Variants in CIMIP5 observed in about 807,000 individuals in gnomAD.
The protein encoded by CIMIP5 is ciliary microtubule inner protein 5.
the CIMIP5 span, among the ~76,000 whole-genome samples, chr2:11,136,657 G>A: frequency 6.6e-6 from 1 of 152,050 alleles, no homozygotes; most frequent in Admixed American, 6.5e-5. Flanking sequence ...TTTTGGGGGT[G>A]ATGAAATGTT....
the CIMIP5 span, among the ~76,000 whole-genome samples, chr2:11,149,715 T>G: frequency 2.0e-5 from 3 of 150,612 alleles, no homozygotes; most frequent in African/African-American, 7.4e-5. Flanking sequence ...TCAAAAAAAA[T>G]TAATTAATTA....
At chr2:11,145,448 T>C in the CIMIP5 span, 1 of 152,162 alleles carries the variant, frequency 6.6e-6, no homozygotes, top group African/African-American at 2.4e-5. Context: ...AGGACCCTTG[T>C]GATTATATCA....
the CIMIP5 span, among the ~76,000 whole-genome samples, chr2:11,152,432 G>A: frequency 6.6e-6 from 1 of 152,222 alleles, no homozygotes; most frequent in Non-Finnish European, 1.5e-5. Context: ...TTAAAGTTTA[G>A]AAGCAAGATG....
At chr2:11,135,070 T>C in the CIMIP5 span, among the ~76,000 whole-genome samples, 5 of 152,034 alleles carry the variant, frequency 3.3e-5, no homozygotes, top group Admixed American at 6.5e-5. Flanking sequence ...AGCTCTCTCC[T>C]GTGAACTAAT....
the CIMIP5 span, chr2:11,144,138 C>G: frequency 6.5e-7 from 1 of 1,534,532 alleles, no homozygotes; most frequent in Non-Finnish European, 8.8e-7. Flanking sequence ...GCTGGCCTTC[C>G]CCAGGTGGGT....
the CIMIP5 span, among the ~76,000 whole-genome samples, chr2:11,141,182 G>A: frequency 1.5e-5 from 2 of 133,494 alleles, no homozygotes; most frequent in Non-Finnish European, 3.1e-5. Flanking sequence ...AGGCTGGAGT[G>A]CAGTGGTGCA....
the CIMIP5 span, among the ~76,000 whole-genome samples, chr2:11,135,387 A>T: frequency 2.0e-5 from 3 of 152,156 alleles, no homozygotes; most frequent in African/African-American, 4.8e-5. Context: ...GTTTTTTGAT[A>T]ACAGCCATCC....
the CIMIP5 span, among the ~76,000 whole-genome samples, chr2:11,136,681 G>A: frequency 6.6e-6 from 1 of 152,130 alleles, no homozygotes; most frequent in South Asian, 2.1e-4. Flanking sequence ...GAATCAGAAA[G>A]TGGTGATGGT....
chr2:11,137,216 C>T, the CIMIP5 span, among the ~76,000 whole-genome samples: 9 of 151,828 alleles, frequency 5.9e-5, no homozygotes, highest in Non-Finnish European at 1.2e-4. Flanking sequence ...CTACTAAAAA[C>T]ACAAAAATTA....
At chr2:11,139,119 T>C in the CIMIP5 span, among the ~76,000 whole-genome samples, 2 of 152,114 alleles carry the variant, frequency 1.3e-5, no homozygotes, top group Admixed American at 6.5e-5. Context: ...GGTTTCACCA[T>C]GTTGGCCAGG....
the CIMIP5 span, among the ~76,000 whole-genome samples, chr2:11,140,000 T>C: frequency 6.6e-6 from 1 of 150,660 alleles, no homozygotes; most frequent in Non-Finnish European, 1.5e-5. Flanking sequence ...GACAGGGGAA[T>C]TGCTTGAACC....
the CIMIP5 span, among the ~76,000 whole-genome samples, chr2:11,134,035 C>A: frequency 6.6e-6 from 1 of 151,992 alleles, no homozygotes; most frequent in African/African-American, 2.4e-5. Flanking sequence ...CTCCACCGAG[C>A]CTTCATACTC....
the CIMIP5 span, among the ~76,000 whole-genome samples, chr2:11,142,031 C>T: frequency 1.4e-4 from 21 of 151,768 alleles, no homozygotes; most frequent in Non-Finnish European, 2.8e-4. Context: ...TTTGGGAGGC[C>T]GAGGCAGGTG....
At chr2:11,150,839 A>G in the CIMIP5 span, among the ~76,000 whole-genome samples, 1 of 151,772 alleles carries the variant, frequency 6.6e-6, no homozygotes, top group Admixed American at 6.6e-5. Flanking sequence ...GTGGGCCTCA[A>G]GATCTTTACC....
At chr2:11,135,651 T>C in the CIMIP5 span, among the ~76,000 whole-genome samples, 2 of 102,586 alleles carry the variant, frequency 1.9e-5, no homozygotes, top group African/African-American at 4.0e-5. Flanking sequence ...GGCTGGTTTT[T>C]TTTGGGGTTT....
chr2:11,133,575 C>T, the CIMIP5 span: 12 of 1,602,334 alleles, frequency 7.5e-6, no homozygotes, highest in South Asian at 2.2e-5. Context: ...GGCCGAGCGG[C>T]GGGGCCAGCA....
At chr2:11,133,763 G>A in the CIMIP5 span, among the ~76,000 whole-genome samples, 1 of 152,194 alleles carries the variant, frequency 6.6e-6, no homozygotes, top group Non-Finnish European at 1.5e-5. Flanking sequence ...ACCCGAGCCT[G>A]AGCCTAAGAA....
the CIMIP5 span, among the ~76,000 whole-genome samples, chr2:11,136,616 G>A: frequency 6.6e-6 from 1 of 152,192 alleles, no homozygotes; most frequent in East Asian, 1.9e-4. Flanking sequence ...TGTTTTGGAG[G>A]ATGAGGACTG....
chr2:11,138,620 G>A, the CIMIP5 span, among the ~76,000 whole-genome samples: 1 of 152,162 alleles, frequency 6.6e-6, no homozygotes, highest in Non-Finnish European at 1.5e-5. Flanking sequence ...GGGCCCGGTG[G>A]AAGGCGATTG....
Sources: gnomAD v4.1 joint callset for allele counts (sites outside exome capture counted in the v4.1 genomes callset) on GRCh38, gnomAD v4.1.1 for gene constraint, MANE v1.5 for transcripts, NCBI Gene and HGNC (gene_info 2026-07-23, HGNC 2026-07-21) for gene names.